The following TTC13 variants were observed in gnomAD, a reference collection of about 807,000 sequenced individuals.
TTC13 encodes tetratricopeptide repeat domain 13, also known as tetratricopeptide repeat protein 13.
TTC13 carries 62 observed loss-of-function variants against 120.0 expected under a neutral mutation model. The observed-to-expected ratio is 0.52, with a 90% CI of 0.42 to 0.64. The LOEUF (loss-of-function observed/expected upper bound fraction) is 0.64. Among genes scored for constraint, TTC13 ranks in the 30% least tolerant of loss-of-function variants. The pLI, the probability that TTC13 is intolerant of heterozygous loss-of-function variation, is 0.00. For synonymous variants in TTC13, 384 were observed against 393.5 expected (o/e 0.98, Z 0.28); for missense variants, 824 against 1,050.2 (o/e 0.78, Z 2.98).
chr1:230,956,598 CAA>C, intron 3 of TTC13: 1 of 382,890 alleles, frequency 2.6e-6, no homozygotes, highest in Non-Finnish European at 5.0e-6. Flanking sequence ...GCCATAAAAA[CAA>C]ATATGATTTT....
intron 11 of TTC13, among the ~76,000 whole-genome samples, chr1:230,929,335 G>C (rs114742131): frequency 0.21 from 10,823 of 52,388 alleles, 456 homozygotes; most frequent in Non-Finnish European, 0.24. Flanking sequence ...TTTTTTTTTT[G>C]AGACGGAGTC....
intron 4 of TTC13, among the ~76,000 whole-genome samples, chr1:230,950,863 C>A (rs1456603918): frequency 6.6e-6 from 1 of 152,288 alleles, no homozygotes; most frequent in African/African-American, 2.4e-5. Flanking sequence ...CAAAGCAGCA[C>A]AGAAATCAGG....
chr1:230,916,170 C>T (rs1672008352), intron 18 of TTC13, 23 bp downstream of exon 18: 5 of 1,552,796 alleles, frequency 3.2e-6, no homozygotes, highest in Non-Finnish European at 4.4e-6. Flanking sequence ...CTAGTTTACA[C>T]CCACATTAAG....
chr1:230,933,994 G>A (rs1012527174), intron 8 of TTC13, 133 bp from the exon 9 acceptor site: 2 of 506,538 alleles, frequency 3.9e-6, no homozygotes, highest in South Asian at 3.4e-5. Context: ...TTAAAAAAGA[G>A]AGGCAGAAAA....
rs368607281 is a variant in TTC13 at position 230,955,578 on chromosome 1, G to A, written c.443-1175C>T. 6.0e-5 allele frequency among the ~76,000 whole-genome samples: 9 copies of A among 150,698 alleles called. No homozygotes were observed. The South Asian group carries it at 1.3e-3, about 21-fold the overall frequency. ...CCCAGCTACTCAGGAGGCTGAGGCAGGAGAATGGCATGAACCCAGGAGGCG... is the reference window on the plus strand; with the variant it reads ...CCCAGCTACTCAGGAGGCTGAGGCAAGAGAATGGCATGAACCCAGGAGGCG... On this transcript the variant is annotated intron_variant, in intron 3 of 22. Transcript: ENST00000366661.
At chr1:230,952,925 G>A (rs1675728184) in intron 4 of TTC13, among the ~76,000 whole-genome samples, 1 of 151,966 alleles carries the variant, frequency 6.6e-6, no homozygotes, top group Admixed American at 6.6e-5. Flanking sequence ...CAACCACAAT[G>A]GTAATAACAT....
chr1:230,958,874 C>T (rs1189207597), intron 2 of TTC13, among the ~76,000 whole-genome samples: 1 of 152,102 alleles, frequency 6.6e-6, no homozygotes, highest in Non-Finnish European at 1.5e-5. Flanking sequence ...ACACTGATAG[C>T]CCCAGCTACT....
At chr1:230,952,177 A>C (rs1487771159) in intron 4 of TTC13, among the ~76,000 whole-genome samples, 2 of 152,100 alleles carry the variant, frequency 1.3e-5, no homozygotes, top group Non-Finnish European at 2.9e-5. Context: ...TCTATTCCTT[A>C]TCAGTCATAT....
chr1:230,946,840 T>C (rs1048688404), intron 4 of TTC13, among the ~76,000 whole-genome samples: 3 of 152,164 alleles, frequency 2.0e-5, no homozygotes, highest in African/African-American at 7.2e-5. Flanking sequence ...ATGTAACTGG[T>C]ATAGAGGTTG....
At chr1:230,918,794 T>C (rs1174776101) in intron 17 of TTC13, among the ~76,000 whole-genome samples, 8 of 152,220 alleles carry the variant, frequency 5.3e-5, no homozygotes, top group Admixed American at 5.2e-4. Flanking sequence ...GTTCATGACA[T>C]GCTACTTCCT....
chr1:230,956,928 A>G (rs1572268865), intron 3 of TTC13, among the ~76,000 whole-genome samples: 2 of 152,102 alleles, frequency 1.3e-5, no homozygotes, highest in East Asian at 1.9e-4. Flanking sequence ...CACAGATGTC[A>G]TTTTTTTCAA....
chr1:230,910,210 CAT>C lies in TTC13; in HGVS notation c.2310-1192_2310-1191del, dbSNP rs1459280700. ...CAGGGAAGACTTCAGAGGCTAAAGA[CAT>C]GTGCTCTGCAACCTCCAGGGTCCCA... On this transcript the variant is annotated intron_variant, in intron 20 of 22. Transcript: ENST00000366661. Among the ~76,000 whole-genome samples, 3 of 152,104 alleles carry C rather than the reference CAT, an allele frequency of 2.0e-5. No individual in the cohort carries two copies. In the East Asian group the frequency reaches 5.8e-4, roughly 29 times the overall value.
intron 4 of TTC13, among the ~76,000 whole-genome samples, chr1:230,952,467 T>C (rs1467445572): frequency 6.6e-6 from 1 of 152,188 alleles, no homozygotes; most frequent in East Asian, 1.9e-4. Context: ...CCCTGCCCCA[T>C]CAATAGTCTG....
At position 230,908,751 on chromosome 1, in the gene TTC13, G is replaced by A. The variant is rs755739316; in HGVS notation, c.2429C>T (p.Ala810Val). 2 of 1,613,450 alleles carry A rather than the reference G, an allele frequency of 1.2e-6. No homozygotes were observed. Among genetic ancestry groups the A allele is most frequent in the East Asian group, 4.5e-5 (2 of 44,874 alleles). ...CCAGCTTTTGGCGACTTTGCTAAAG[G>A]CCTCTGAACCAGGGGCTGTCATAGC... The part of the protein sequence containing the change: ...FEAMTAPGSE[A>V]FSKVAKSWMN... Residue 810 changes from alanine to valine, a missense_variant, in exon 22 of 23, where the codon GCC becomes GTC. Physicochemically the swap from Ala to Val is moderately conservative, Grantham distance 64. This residue lies in a region of TTC13 where 226 missense variants were observed against 259.1 expected (regional missense o/e 0.87). Coordinates refer to ENST00000366661, the MANE Select transcript of TTC13 (RefSeq NM_024525.5).
chr1:230,918,023 TATGTCCCACA>T, intron 17 of TTC13, among the ~76,000 whole-genome samples: 1 of 152,342 alleles, frequency 6.6e-6, no homozygotes, highest in South Asian at 2.1e-4. Context: ...AAGATTACTA[TATGTCCCACA>T]GTACAGGGGA....
intron 1 of TTC13, among the ~76,000 whole-genome samples, chr1:230,966,729 G>A (rs370085721): frequency 5.9e-5 from 9 of 152,162 alleles, no homozygotes; most frequent in Non-Finnish European, 1.0e-4. Context: ...TCAGTTTCCC[G>A]AGGACGTGAA....
intron 4 of TTC13, among the ~76,000 whole-genome samples, chr1:230,950,577 C>G (rs1431493457): frequency 6.6e-6 from 1 of 152,134 alleles, no homozygotes; most frequent in Non-Finnish European, 1.5e-5. Flanking sequence ...CAAGTCGAAA[C>G]AGTCAGTAGA....
chr1:230,914,685 G>A (rs964777352), intron 18 of TTC13, among the ~76,000 whole-genome samples: 15 of 152,090 alleles, frequency 9.9e-5, no homozygotes, highest in Non-Finnish European at 1.9e-4. Flanking sequence ...GAGCCACTGC[G>A]CCCGGCCGAC....
At position 230,958,304 on chromosome 1, in the gene TTC13, G is replaced by GAAAACAAGAAAAAAAA. The variant is rs1676291641; in HGVS notation, c.367-6_367-5insTTTTTTTTCTTGTTTT. The GAAAACAAGAAAAAAAA allele has an allele frequency of 8.0e-7, 1 of 1,246,632 alleles. No homozygotes were observed. Among genetic ancestry groups the GAAAACAAGAAAAAAAA allele is most frequent in the Non-Finnish European group, 1.1e-6 (1 of 922,422 alleles). 77.2% of individuals were successfully genotyped at this position (1,246,632 alleles called of 1,614,324 possible). On this transcript the variant is annotated splice_polypyrimidine_tract_variant and splice_region_variant and intron_variant, in intron 2 of 22. Coordinates refer to ENST00000366661, the MANE Select transcript of TTC13 (RefSeq NM_024525.5). ...TGCAATAGACTTGGCCTGGCTCTGG[G>GAAAACAAGAAAAAAAA]AAAAAAAAAAAAAAAACCCATACAT...
Sources: gnomAD v4.1 joint callset for allele counts (sites outside exome capture counted in the v4.1 genomes callset) on GRCh38, gnomAD v4.1.1 for gene constraint, gnomAD v4.1.1 regional missense constraint, MANE v1.5 for transcripts, NCBI Gene and HGNC (gene_info 2026-07-23, HGNC 2026-07-21) for gene names.